The following REEP1 variants were observed in gnomAD, a reference collection of about 807,000 sequenced individuals.
REEP1 encodes receptor expression-enhancing protein 1.
In REEP1, 22 loss-of-function variants were observed where a neutral mutation model predicts 40.3. The observed-to-expected ratio is 0.55, with a 90% CI of 0.39 to 0.78. REEP1 has a LOEUF of 0.78. Among genes scored for constraint, REEP1 ranks in the 30% least tolerant of loss-of-function variants. REEP1 has a pLI of 0.00. For synonymous variants in REEP1, 116 were observed against 139.2 expected (o/e 0.83, Z 1.17); for missense variants, 280 against 361.1 (o/e 0.78, Z 1.82).
At chr2:86,262,625 CA>C (rs2104295994) in intron 3 of REEP1, among the ~76,000 whole-genome samples, 1 of 152,336 alleles carries the variant, frequency 6.6e-6, no homozygotes, top group East Asian at 1.9e-4. Flanking sequence ...TAGGACGTCC[CA>C]GAGGGTAATT....
At chr2:86,308,247 T>C (rs955907123) in intron 1 of REEP1, among the ~76,000 whole-genome samples, 2 of 152,222 alleles carry the variant, frequency 1.3e-5, no homozygotes, top group Admixed American at 1.3e-4. Context: ...GCTATTCCAT[T>C]TGACAGCATT....
intron 1 of REEP1, among the ~76,000 whole-genome samples, chr2:86,328,136 C>T (rs1376375345): frequency 3.3e-5 from 5 of 151,952 alleles, no homozygotes; most frequent in Non-Finnish European, 7.4e-5. Context: ...CGTGTGGACT[C>T]GTGGTTCTCA....
intron 1 of REEP1, among the ~76,000 whole-genome samples, chr2:86,309,582 A>G (rs1679665391): frequency 6.6e-6 from 1 of 152,198 alleles, no homozygotes; most frequent in African/African-American, 2.4e-5. Flanking sequence ...ATTTTCCCAC[A>G]GCACTGGAAG....
At chr2:86,260,885 A>C (rs1223460742) in intron 3 of REEP1, among the ~76,000 whole-genome samples, 2 of 152,218 alleles carry the variant, frequency 1.3e-5, no homozygotes, top group Non-Finnish European at 2.9e-5. Context: ...ACACATTTGT[A>C]CTGTTTTAAG....
Position 86,242,018 on chromosome 2 carries a change from G to C in REEP1, c.418-9216C>G, listed in dbSNP as rs1282294712. 2.6e-5 allele frequency among the ~76,000 whole-genome samples: 4 copies of C among 152,260 alleles called. No homozygotes were observed. The East Asian group carries it at 7.7e-4, about 29-fold the overall frequency. On this transcript the variant is annotated intron_variant, in intron 5 of 8. Coordinates refer to ENST00000538924, the MANE Select transcript of REEP1 (RefSeq NM_001371279.1). Reference sequence around the variant, plus strand: ...CCTTGTAAATAACGTCCCAATGCCAGGGCCTGACTTTTTTTTTTTTATTCT... The same window carrying C: ...CCTTGTAAATAACGTCCCAATGCCACGGCCTGACTTTTTTTTTTTTATTCT...
At chr2:86,217,881 C>G (rs988074497) in intron 8 of REEP1, among the ~76,000 whole-genome samples, 11 of 152,098 alleles carry the variant, frequency 7.2e-5, no homozygotes, top group African/African-American at 2.7e-4. Context: ...CAAGAGACCC[C>G]TCCTTCCATG....
chr2:86,311,741 G>A (rs1187940328), intron 1 of REEP1, among the ~76,000 whole-genome samples: 2 of 152,046 alleles, frequency 1.3e-5, no homozygotes, highest in Admixed American at 6.6e-5. Flanking sequence ...ACATTCTAAG[G>A]TTCCAGGTGG....
intron 1 of REEP1, among the ~76,000 whole-genome samples, chr2:86,334,626 T>C (rs1438137564): frequency 6.6e-6 from 1 of 152,156 alleles, no homozygotes; most frequent in African/African-American, 2.4e-5. Context: ...GTAAAACACA[T>C]ATATTTTTCT....
At chr2:86,331,230 A>G (rs1298351292) in intron 1 of REEP1, among the ~76,000 whole-genome samples, 1 of 152,186 alleles carries the variant, frequency 6.6e-6, no homozygotes, top group Non-Finnish European at 1.5e-5. Flanking sequence ...ATTCTCCCTC[A>G]GCTCCAAATC....
chr2:86,305,866 A>C (rs6728494), intron 1 of REEP1, among the ~76,000 whole-genome samples: 12,168 of 152,048 alleles, frequency 0.08, 810 homozygotes, highest in African/African-American at 0.18. Context: ...CTTTCCTCCC[A>C]TTTTGGCTCA....
rs539320097 is a variant in REEP1 at position 86,282,090 on chromosome 2, G to A, written c.105+80C>T. On this transcript the variant is annotated intron_variant, in intron 2 of 8. Transcript: ENST00000538924. ...TCCCTGCTTCCAGTGCCCATAGCACGGAGGGCATCCCCTTCTCCCAACATT... is the reference window on the plus strand; with the variant it reads ...TCCCTGCTTCCAGTGCCCATAGCACAGAGGGCATCCCCTTCTCCCAACATT... 91 of 933,792 alleles carry A rather than the reference G, an allele frequency of 9.7e-5. 1 individual carries two copies. The Middle Eastern group carries it at 1.3e-3, about 13-fold the overall frequency. 57.8% of individuals were successfully genotyped at this position (933,792 alleles called of 1,614,324 possible). A position where few individuals can be genotyped will look rare whatever the true frequency, so the allele number is the denominator to read the frequency against.
chr2:86,276,024 G>T (rs1227755442), intron 2 of REEP1, among the ~76,000 whole-genome samples: 2 of 152,216 alleles, frequency 1.3e-5, no homozygotes, highest in African/African-American at 4.8e-5. Flanking sequence ...AAGTGCATGA[G>T]ATGGCCAGGT....
intron 5 of REEP1, among the ~76,000 whole-genome samples, chr2:86,239,456 AG>A (rs145910572): frequency 0.011 from 1,703 of 152,254 alleles, 36 homozygotes; most frequent in African/African-American, 0.039. Flanking sequence ...ATAAAGACAA[AG>A]GGTTTTAGTG....
chr2:86,335,776 G>A (rs1680992989), intron 1 of REEP1, among the ~76,000 whole-genome samples: 1 of 151,630 alleles, frequency 6.6e-6, no homozygotes, highest in Non-Finnish European at 1.5e-5. Flanking sequence ...TTGAACCCAG[G>A]AGGCGGAGGC....
intron 1 of REEP1, among the ~76,000 whole-genome samples, chr2:86,323,644 A>T (rs907640360): frequency 5.9e-5 from 9 of 152,168 alleles, no homozygotes; most frequent in African/African-American, 1.9e-4. Flanking sequence ...ACCCCCATCC[A>T]TGGAAAAACT....
At position 86,310,130 on chromosome 2, in the gene REEP1, A is replaced by T. The variant is rs139819769; in HGVS notation, c.32+27349T>A. The stretch of plus-strand genomic sequence containing the variant: ...CAAAACTAAGCACTGGATAAGGGTC[A>T]TGTCTGTCTTATTCAGCATCGCCTC... On this transcript the variant is annotated intron_variant, in intron 1 of 8. Transcript: ENST00000538924. 2.0e-5 allele frequency among the ~76,000 whole-genome samples: 3 copies of T among 152,308 alleles called. No homozygotes were observed. In the East Asian group the frequency reaches 5.8e-4, roughly 29 times the overall value.
At chr2:86,265,740 A>G (rs937420983) in intron 2 of REEP1, among the ~76,000 whole-genome samples, 1 of 152,220 alleles carries the variant, frequency 6.6e-6, no homozygotes, top group Non-Finnish European at 1.5e-5. Flanking sequence ...AATAATGTGT[A>G]CACATGGACA....
At chr2:86,279,068 T>C (rs1024996220) in intron 2 of REEP1, among the ~76,000 whole-genome samples, 1 of 152,224 alleles carries the variant, frequency 6.6e-6, no homozygotes, top group Non-Finnish European at 1.5e-5. Context: ...GGTTCCCCTG[T>C]GTGGCCCTAC....
intron 2 of REEP1, among the ~76,000 whole-genome samples, chr2:86,266,480 G>A (rs937210667): frequency 2.0e-4 from 30 of 149,736 alleles, no homozygotes; most frequent in African/African-American, 7.1e-4. Context: ...TTAGCCGGGC[G>A]CGGTGGCCGG....
Sources: allele counts gnomAD v4.1 joint callset (sites outside exome capture counted in the v4.1 genomes callset), GRCh38; gene constraint gnomAD v4.1.1; transcripts MANE v1.5; gene names NCBI Gene and HGNC (gene_info 2026-07-23, HGNC 2026-07-21).